Variants in DAAM1 observed in about 807,000 individuals in gnomAD.
DAAM1 encodes the protein disheveled-associated activator of morphogenesis 1.
DAAM1 carries 52 observed loss-of-function variants against 130.0 expected under a neutral mutation model. The ratio of observed to expected loss-of-function variants is 0.40; its 90% CI spans 0.32 to 0.50. The LOEUF (loss-of-function observed/expected upper bound fraction) is 0.50. DAAM1 is among the 20% of genes least tolerant of loss of function. DAAM1 has a pLI of 0.61. For synonymous variants in DAAM1, 452 were observed against 444.5 expected, an observed-to-expected ratio of 1.02 and a Z score of -0.21; for missense variants, 1,134 against 1,303.8, an observed-to-expected ratio of 0.87 and a Z score of 2.01.
intron 15 of DAAM1, among the ~76,000 whole-genome samples, chr14:59,334,627 C>T (rs189663481): frequency 1.0e-3 from 158 of 152,108 alleles, no homozygotes; most frequent in African/African-American, 3.5e-3. Flanking sequence ...TCAGTAGTGT[C>T]GGATTAGTAT....
At chr14:59,357,359 T>G (rs1156321548) in intron 20 of DAAM1, 1 of 152,158 alleles carries the variant, frequency 6.6e-6, no homozygotes, top group African/African-American at 2.4e-5. Flanking sequence ...GCAAAGCATT[T>G]CTTTTAAAAA....
At chr14:59,257,240 G>GTGAGACCATCTGTTCACT (rs1482142628) in intron 1 of DAAM1, among the ~76,000 whole-genome samples, 1 of 152,082 alleles carries the variant, frequency 6.6e-6, no homozygotes, top group Non-Finnish European at 1.5e-5. Context: ...ACATTCAGAG[G>GTGAGACCATCTGTTCACT]TGAGACCATC....
intron 2 of DAAM1, among the ~76,000 whole-genome samples, chr14:59,278,320 A>G (rs1325447349): frequency 1.3e-5 from 2 of 152,234 alleles, no homozygotes; most frequent in East Asian, 3.9e-4. Context: ...GAGGATGCTG[A>G]TGGTTAGATA....
At chr14:59,298,719 A>G (rs553388308) in intron 3 of DAAM1, among the ~76,000 whole-genome samples, 1 of 152,364 alleles carries the variant, frequency 6.6e-6, no homozygotes, top group South Asian at 2.1e-4. Flanking sequence ...GTCTAACAAA[A>G]GGCAATTGGT....
chr14:59,245,446 T>C lies in DAAM1; in HGVS notation c.-37-17995T>C, dbSNP rs574945233. On this transcript the variant is annotated intron_variant, in intron 1 of 24. Transcript: ENST00000360909. ...GGACCTTGAGATTACCAAGTGAATT[T>C]ATTCCTGTGGAGTCAAACTTTCTAA... 3.9e-5 allele frequency among the ~76,000 whole-genome samples: 6 copies of C among 152,334 alleles called. No individual in the cohort carries two copies. In the South Asian group the frequency reaches 1.2e-3, roughly 32 times the overall value.
intron 12 of DAAM1, 112 bp downstream of exon 12, chr14:59,327,103 C>A: frequency 1.6e-6 from 2 of 1,220,532 alleles, no homozygotes; most frequent in Non-Finnish European, 2.3e-6. Flanking sequence ...GTGCAGGCAG[C>A]CTTTCTTTTT....
chr14:59,357,380 T>G (rs1886523572), intron 20 of DAAM1: 1 of 152,140 alleles, frequency 6.6e-6, no homozygotes, highest in African/African-American at 2.4e-5. Flanking sequence ...ATGAAAAAAA[T>G]AGCCTCACTC....
intron 22 of DAAM1, 70 bp from the exon 23 acceptor site, chr14:59,363,581 T>TA (rs1425079107): frequency 1.3e-6 from 2 of 1,581,030 alleles, no homozygotes; most frequent in Non-Finnish European, 1.7e-6. Flanking sequence ...GCATGTGAAA[T>TA]ATGAGACGAG....
Position 59,367,462 on chromosome 14 carries a change from G to C in DAAM1, c.2860G>C (p.Ala954Pro). The C allele has an allele frequency of 6.2e-7, 1 of 1,613,208 alleles. No homozygotes were observed. The highest frequency in any genetic ancestry group is 8.5e-7 in the Non-Finnish European group (1 of 1,179,354). ...AGCAGTGAAGCACTTTGGGGAAGAG[G>C]CTGGCAAAATACAACCAGATGAGTT... ...TKAVKHFGEE[A>P]GKIQPDEFFG... Residue 954 changes from alanine (A) to proline (P), a missense_variant, in exon 24 of 25, where the codon GCT (alanine) becomes CCT (proline). Ala to Pro is a conservative substitution (Grantham distance 27). Transcript: ENST00000360909.
intron 1 of DAAM1, among the ~76,000 whole-genome samples, chr14:59,249,583 C>G (rs1006482644): frequency 3.9e-5 from 6 of 152,194 alleles, no homozygotes; most frequent in African/African-American, 1.4e-4. Flanking sequence ...CTATTGTTAG[C>G]ATTCAGACCT....
At chr14:59,277,887 C>G (rs1258946112) in intron 2 of DAAM1, among the ~76,000 whole-genome samples, 1 of 152,124 alleles carries the variant, frequency 6.6e-6, no homozygotes, top group African/African-American at 2.4e-5. Context: ...AGTAGTCCTC[C>G]CTTACCAGCA....
At chr14:59,234,018 GT>G (rs1174397837) in intron 1 of DAAM1, among the ~76,000 whole-genome samples, 1 of 152,198 alleles carries the variant, frequency 6.6e-6, no homozygotes, top group Non-Finnish European at 1.5e-5. Context: ...GTACTGTGCT[GT>G]TTTGGTTACT....
At chr14:59,258,077 C>T (rs547606788) in intron 1 of DAAM1, among the ~76,000 whole-genome samples, 1 of 152,118 alleles carries the variant, frequency 6.6e-6, no homozygotes, top group Non-Finnish European at 1.5e-5. Flanking sequence ...TGATTTTTTT[C>T]CTGCCTTCCC....
chr14:59,219,614 A>G (rs954215808), intron 1 of DAAM1, among the ~76,000 whole-genome samples: 4 of 152,176 alleles, frequency 2.6e-5, no homozygotes, highest in Non-Finnish European at 4.4e-5. Flanking sequence ...CTTTCCTCCA[A>G]GAGTAAAGTC....
chr14:59,261,993 C>G (rs143894264), intron 1 of DAAM1, among the ~76,000 whole-genome samples: 2 of 151,842 alleles, frequency 1.3e-5, no homozygotes, highest in Non-Finnish European at 2.9e-5. Flanking sequence ...CTTCCCTGAC[C>G]AAGATATGTT....
At chr14:59,310,961 GAAAAAAAAC>G (rs1381459345) in intron 3 of DAAM1, among the ~76,000 whole-genome samples, 6 of 102,504 alleles carry the variant, frequency 5.9e-5, no homozygotes, top group East Asian at 8.9e-4. Flanking sequence ...ATCTTAAACT[GAAAAAAAAC>G]AAAAAAAACA....
At chr14:59,267,508 C>A (rs1208839510) in intron 2 of DAAM1, among the ~76,000 whole-genome samples, 6 of 151,620 alleles carry the variant, frequency 4.0e-5, no homozygotes, top group African/African-American at 9.7e-5. Flanking sequence ...AAACAAAAAA[C>A]AAAAACAGCT....
intron 18 of DAAM1, among the ~76,000 whole-genome samples, chr14:59,353,010 A>T (rs1203159231): frequency 6.6e-6 from 1 of 152,034 alleles, no homozygotes; most frequent in African/African-American, 2.4e-5. Context: ...AAAAAAGAAA[A>T]AAAAATATAT....
chr14:59,289,767 G>GATATATATATATATATAT, intron 2 of DAAM1, among the ~76,000 whole-genome samples: 1,824 of 110,078 alleles, frequency 0.017, 94 homozygotes, highest in East Asian at 0.049. Flanking sequence ...AACAAAATGT[G>GATATATATATATATATAT]ATATATATAT....
Sources: gnomAD v4.1 joint callset for allele counts (sites outside exome capture counted in the v4.1 genomes callset) on GRCh38, gnomAD v4.1.1 for gene constraint, MANE v1.5 for transcripts, NCBI Gene and HGNC (gene_info 2026-07-23, HGNC 2026-07-21) for gene names.